CDC42BPA: variants seen among roughly 807,000 people sequenced by gnomAD.
The protein encoded by CDC42BPA is CDC42 binding protein kinase alpha, also known as serine/threonine-protein kinase MRCK alpha.
A neutral mutation model predicts 223.5 loss-of-function variants in CDC42BPA; 80 were observed. The observed-to-expected ratio is 0.36, with a 90% CI of 0.30 to 0.43. CDC42BPA has a LOEUF of 0.43. Ranked by LOEUF, CDC42BPA falls within the 20% of genes least tolerant of loss-of-function variation. CDC42BPA has a pLI of 1.00. For synonymous variants in CDC42BPA, 694 were observed against 718.6 expected (o/e 0.97, Z 0.55); for missense variants, 1,743 against 2,099.9 (o/e 0.83, Z 3.32).
At chr1:227,222,912 T>A (rs980032101) in intron 2 of CDC42BPA, among the ~76,000 whole-genome samples, 5 of 152,204 alleles carry the variant, frequency 3.3e-5, no homozygotes, top group African/African-American at 1.2e-4. Context: ...TAACAAGGGC[T>A]GGACCCTTGG....
intron 1 of CDC42BPA, among the ~76,000 whole-genome samples, chr1:227,278,286 T>A (rs72632806): frequency 0.16 from 24,022 of 152,236 alleles, 2,186 homozygotes; most frequent in East Asian, 0.37. Context: ...TGGATGCAGA[T>A]GGTGTAATTT....
rs149718521 is a variant in CDC42BPA at position 227,165,274 on chromosome 1, A to T, written c.600-4638T>A. On this transcript the variant is annotated intron_variant, in intron 5 of 36. Coordinates refer to ENST00000366766, the MANE Select transcript of CDC42BPA (RefSeq NM_001394014.1). ...AGACAATGGAAGATGATGGGTGTCAACACAATTTTCAAAGATGGAGAACAT... is the reference window on the plus strand; with the variant it reads ...AGACAATGGAAGATGATGGGTGTCATCACAATTTTCAAAGATGGAGAACAT... Among the ~76,000 whole-genome samples the T allele has an allele frequency of 2.2e-3, 338 of 152,330 alleles. 3 individuals carry two copies. The highest frequency in any genetic ancestry group is 7.7e-3 in the African/African-American group (319 of 41,574).
At chr1:227,079,382 T>A (rs1680172520) in intron 17 of CDC42BPA, among the ~76,000 whole-genome samples, 1 of 152,074 alleles carries the variant, frequency 6.6e-6, no homozygotes, top group Non-Finnish European at 1.5e-5. Flanking sequence ...TAGCACCACT[T>A]CCCATTCCAG....
intron 10 of CDC42BPA, among the ~76,000 whole-genome samples, chr1:227,138,789 T>C (rs909239900): frequency 5.9e-5 from 9 of 152,040 alleles, no homozygotes; most frequent in African/African-American, 1.7e-4. Context: ...TCAAACACAG[T>C]TGGGGTTCTG....
chr1:227,264,865 TG>T, intron 1 of CDC42BPA: 1 of 1,533,412 alleles, frequency 6.5e-7, no homozygotes, highest in Non-Finnish European at 9.0e-7. Flanking sequence ...AGTCTGGAAC[TG>T]GACCTGAAGA....
At chr1:227,064,990 G>C (rs948524945) in intron 21 of CDC42BPA, among the ~76,000 whole-genome samples, 5 of 151,926 alleles carry the variant, frequency 3.3e-5, no homozygotes, top group African/African-American at 9.7e-5. Context: ...CCAGCTACTC[G>C]GGAGGCTGAG....
chr1:227,072,154 T>C (rs976692778), intron 20 of CDC42BPA, 54 bp downstream of exon 20: 38 of 956,712 alleles, frequency 4.0e-5, no homozygotes, highest in Non-Finnish European at 5.8e-5. Flanking sequence ...TGTAATAAAA[T>C]ATATTTATAA....
At chr1:227,125,132 T>G (rs1179452679) in intron 11 of CDC42BPA, among the ~76,000 whole-genome samples, 1 of 150,848 alleles carries the variant, frequency 6.6e-6, no homozygotes, top group Non-Finnish European at 1.5e-5. Context: ...GCCAAAGGAT[T>G]AGGAAAGGGG....
At chr1:227,236,129 G>A (rs1678970327) in intron 2 of CDC42BPA, among the ~76,000 whole-genome samples, 1 of 152,226 alleles carries the variant, frequency 6.6e-6, no homozygotes. Flanking sequence ...TCTAACACTT[G>A]TTAGAGCTGC....
chr1:227,262,629 A>G (rs1307725472), intron 1 of CDC42BPA, among the ~76,000 whole-genome samples: 1 of 152,200 alleles, frequency 6.6e-6, no homozygotes, highest in Non-Finnish European at 1.5e-5. Flanking sequence ...ATTATAGACA[A>G]TCACAGAAAA....
At chr1:227,083,126 C>T (rs755414283) in intron 16 of CDC42BPA, among the ~76,000 whole-genome samples, 5 of 150,148 alleles carry the variant, frequency 3.3e-5, no homozygotes, top group Admixed American at 6.7e-5. Flanking sequence ...GCCATAAACA[C>T]TCTTCAAATA....
intron 2 of CDC42BPA, among the ~76,000 whole-genome samples, chr1:227,253,638 A>ACATT (rs758991493): frequency 7.9e-6 from 1 of 126,968 alleles, no homozygotes; most frequent in Non-Finnish European, 2.0e-5. Flanking sequence ...ATACATACAT[A>ACATT]CATACATACA....
At chr1:227,137,101 C>T (rs1489123100) in intron 10 of CDC42BPA, among the ~76,000 whole-genome samples, 1 of 152,018 alleles carries the variant, frequency 6.6e-6, no homozygotes, top group Non-Finnish European at 1.5e-5. Context: ...TAACAACAGT[C>T]ATACAAGGAG....
intron 19 of CDC42BPA, among the ~76,000 whole-genome samples, chr1:227,073,638 A>G (rs1678884944): frequency 6.6e-6 from 1 of 152,182 alleles, no homozygotes; most frequent in Admixed American, 6.6e-5. Context: ...ATTATTTAAT[A>G]CTATTAATTC....
At chr1:227,157,692 ATCCC>A (rs1663069579) in intron 6 of CDC42BPA, among the ~76,000 whole-genome samples, 1 of 151,600 alleles carries the variant, frequency 6.6e-6, no homozygotes, top group Admixed American at 6.6e-5. Context: ...TTCTATATGG[ATCCC>A]TAAGCCTCTA....
chr1:227,160,253 A>C (rs902907729), intron 6 of CDC42BPA, among the ~76,000 whole-genome samples: 4 of 152,206 alleles, frequency 2.6e-5, no homozygotes, highest in Non-Finnish European at 4.4e-5. Flanking sequence ...TGAAATATCT[A>C]AAGTACAACA....
At chr1:227,169,897 C>T (rs1665789274) in intron 5 of CDC42BPA, among the ~76,000 whole-genome samples, 1 of 152,142 alleles carries the variant, frequency 6.6e-6, no homozygotes, top group Non-Finnish European at 1.5e-5. Flanking sequence ...TACATTTGGA[C>T]CATTATTAAT....
At chr1:227,276,234 A>G (rs1686994893) in intron 1 of CDC42BPA, among the ~76,000 whole-genome samples, 1 of 144,226 alleles carries the variant, frequency 6.9e-6, no homozygotes, top group Non-Finnish European at 1.5e-5. Context: ...GGATGTGAGG[A>G]GCGCCTCTGC....
At chr1:227,264,963 T>C in intron 1 of CDC42BPA, 1 of 978,204 alleles carries the variant, frequency 1.0e-6, no homozygotes, top group East Asian at 2.4e-5. Context: ...TCTTCTTGTA[T>C]AACCTCATTT....
Sources: gnomAD v4.1 joint callset for allele counts (sites outside exome capture counted in the v4.1 genomes callset) on GRCh38, gnomAD v4.1.1 for gene constraint, MANE v1.5 for transcripts, NCBI Gene and HGNC (gene_info 2026-07-23, HGNC 2026-07-21) for gene names.